The following MYOM1 variants were observed in gnomAD, a reference collection of about 807,000 sequenced individuals.
The protein encoded by MYOM1 is myomesin-1.
A neutral mutation model predicts 205.3 loss-of-function variants in MYOM1; 164 were observed. The observed-to-expected ratio is 0.80, with a 90% CI of 0.70 to 0.91. MYOM1 has a LOEUF of 0.91. Ranked by LOEUF, MYOM1 falls within the 40% of genes least tolerant of loss-of-function variation. The pLI is 0.00. For synonymous variants in MYOM1, 772 were observed against 789.4 expected (o/e 0.98, Z 0.37); for missense variants, 2,011 against 2,127.3 (o/e 0.95, Z 1.08).
chr18:3,163,887 C>T (rs1452757481), intron 10 of MYOM1, among the ~76,000 whole-genome samples: 1 of 150,002 alleles, frequency 6.7e-6, no homozygotes, highest in Non-Finnish European at 1.5e-5. Context: ...GGGTCTTGTT[C>T]TATCACCCAG....
At chr18:3,208,293 C>T (rs756837274) in intron 2 of MYOM1, among the ~76,000 whole-genome samples, 7 of 152,134 alleles carry the variant, frequency 4.6e-5, no homozygotes, top group South Asian at 2.1e-4. Flanking sequence ...GTGGATTGTC[C>T]GAGCTAGCTC....
At chr18:3,215,458 G>A (rs977169677) in intron 1 of MYOM1, among the ~76,000 whole-genome samples, 1 of 151,998 alleles carries the variant, frequency 6.6e-6, no homozygotes, top group African/African-American at 2.4e-5. Context: ...GAAAAAATTA[G>A]CCGGGTGTGG....
rs576807272 is a variant in MYOM1, at chr18:3,130,061, T to G, written c.2507-542A>C. Among the ~76,000 whole-genome samples, 45 of 152,016 alleles carry G rather than the reference T, an allele frequency of 3.0e-4. No homozygotes were observed. The South Asian group carries it at 5.0e-3, about 17-fold the overall frequency. The stretch of plus-strand genomic sequence containing the variant: ...TTCGTTTTCTTTCTTCTTTTTTTTT[T>G]TTTTGGAGTCTCACTCTGTCCCCCA... On this transcript the variant is annotated intron_variant, in intron 17 of 37. Transcript: ENST00000356443.
At chr18:3,107,206 C>T (rs994275181) in intron 22 of MYOM1, among the ~76,000 whole-genome samples, 17 of 152,128 alleles carry the variant, frequency 1.1e-4, no homozygotes, top group African/African-American at 3.9e-4. Context: ...CAACCTCTGT[C>T]TCCTGGGTTC....
intron 3 of MYOM1, among the ~76,000 whole-genome samples, chr18:3,193,371 C>T (rs951116221): frequency 2.1e-5 from 3 of 140,126 alleles, no homozygotes; most frequent in Admixed American, 7.0e-5. Flanking sequence ...TACACACACA[C>T]ACACACACAC....
chr18:3,101,766 A>C (rs749297524), intron 23 of MYOM1, among the ~76,000 whole-genome samples: 15 of 152,176 alleles, frequency 9.9e-5, no homozygotes, highest in Non-Finnish European at 2.2e-4. Flanking sequence ...CTTTATGTCA[A>C]TTGAATGTTT....
At chr18:3,214,896 C>A (rs532616251) in intron 2 of MYOM1, 38 bp downstream of exon 2, 4 of 1,538,324 alleles carry the variant, frequency 2.6e-6, no homozygotes, top group Non-Finnish European at 3.5e-6. Flanking sequence ...CACGCCTCTT[C>A]CTGAGGTTGG....
intron 20 of MYOM1, 46 bp from the exon 21 acceptor site, chr18:3,116,561 C>G (rs1387708142): frequency 6.8e-6 from 10 of 1,474,076 alleles, no homozygotes; most frequent in Middle Eastern, 1.8e-4. Context: ...ACAGAGAAAA[C>G]TCGTCTCCAC....
rs1308689052 is a variant in MYOM1, at chr18:3,077,014, G to GTTTTT, written c.4649-1258_4649-1254dup. ...GGCGTGAGCCACAGCTCCCAGCCTTGTTTTTTTTTTTTTTTCAAGAGACAG... is the reference window on the plus strand; with the variant it reads ...GGCGTGAGCCACAGCTCCCAGCCTTGTTTTTTTTTTTTTTTTTTTTCAAGAGACAG... On this transcript the variant is annotated intron_variant, in intron 34 of 37. Coordinates refer to ENST00000356443, the MANE Select transcript of MYOM1 (RefSeq NM_003803.4). 1.2e-3 allele frequency among the ~76,000 whole-genome samples: 163 copies of GTTTTT among 135,272 alleles called. 3 individuals carry two copies. Among genetic ancestry groups the GTTTTT allele is most frequent in the African/African-American group, 4.1e-3 (151 of 36,938 alleles). The allele number at this position is 135,272 out of a possible 152,430, so 88.7% of individuals were successfully genotyped here.
Position 3,083,807 on chromosome 18 carries a change from T to C in MYOM1, c.4466A>G (p.Lys1489Arg). 1 of 1,572,912 alleles carries C rather than the reference T, an allele frequency of 6.4e-7. No homozygotes were observed. Among genetic ancestry groups the C allele is most frequent in the Non-Finnish European group, 8.6e-7 (1 of 1,157,736 alleles). Residue 1489 changes from lysine to arginine, a missense_variant, in exon 33 of 38, where the codon AAA becomes AGA. Coordinates refer to ENST00000356443, the MANE Select transcript of MYOM1 (RefSeq NM_003803.4). ...SFVTYYVEDL[K>R]VNWSHNGSAI... ...TACTTACTTGTGGGACCAGTTAACTTTCAAATCCTCCACATAGTAAGTTAC... is the reference window on the plus strand; with the variant it reads ...TACTTACTTGTGGGACCAGTTAACTCTCAAATCCTCCACATAGTAAGTTAC...
intron 6 of MYOM1, among the ~76,000 whole-genome samples, chr18:3,175,147 G>T (rs1008247697): frequency 6.6e-6 from 1 of 152,044 alleles, no homozygotes; most frequent in Non-Finnish European, 1.5e-5. Flanking sequence ...TAACCACATA[G>T]CTCACTGTTG....
rs909120194 is a variant in MYOM1 at position 3,209,932 on chromosome 18, C to A, written c.290+5002G>T. 6.6e-6 allele frequency among the ~76,000 whole-genome samples: 1 copy of A among 152,186 alleles called. No homozygotes were observed. The highest frequency in any genetic ancestry group is 2.1e-4 in the South Asian group (1 of 4,836). The stretch of plus-strand genomic sequence containing the variant: ...TGTGCTTGGTAATTTATCCCAAGCA[C>A]CTAGAGCAGTGCTTAGCGCTCAGTA... On this transcript the variant is annotated intron_variant, in intron 2 of 37. Coordinates refer to ENST00000356443, the MANE Select transcript of MYOM1 (RefSeq NM_003803.4). The surrounding 1 kb of genome is among the most constrained non-coding windows in gnomAD (Gnocchi z 4.0).
At chr18:3,215,352 G>T in intron 1 of MYOM1, 101 bp from the exon 2 acceptor site, 1 of 975,516 alleles carries the variant, frequency 1.0e-6, no homozygotes. Flanking sequence ...TTGGCTGGGT[G>T]CGGTGGTTCA....
chr18:3,225,913 T>C, the MYOM1 span, among the ~76,000 whole-genome samples: 1 of 152,328 alleles, frequency 6.6e-6, no homozygotes, highest in South Asian at 2.1e-4. Flanking sequence ...TTGGGTTGAC[T>C]TAGACTGAAG....
chr18:3,119,847 G>A (rs1487406145), intron 20 of MYOM1, 22 bp downstream of exon 20: 4 of 1,586,818 alleles, frequency 2.5e-6, no homozygotes, highest in Non-Finnish European at 3.4e-6. Flanking sequence ...GTGCGGTGTG[G>A]AGGCAGGTGT....
At chr18:3,107,721 C>T (rs2079470172) in intron 22 of MYOM1, among the ~76,000 whole-genome samples, 1 of 152,162 alleles carries the variant, frequency 6.6e-6, no homozygotes, top group African/African-American at 2.4e-5. Flanking sequence ...ACCGCCTTTG[C>T]AAAATTATGA....
chr18:3,154,924 T>C (rs367760631), intron 11 of MYOM1, 23 bp downstream of exon 11: 218 of 1,603,276 alleles, frequency 1.4e-4, no homozygotes, highest in African/African-American at 8.1e-4. Context: ...ATAACTGTAA[T>C]TGATGTTAGC....
In MYOM1 at chr18:3,215,021, G is replaced by GC; in HGVS notation, c.202_203insG (p.Ser68CysfsTer14). 1.2e-6 allele frequency: 2 copies of GC among 1,612,472 alleles called. No individual in the cohort carries two copies. The highest frequency in any genetic ancestry group is 1.7e-6 in the Non-Finnish European group (2 of 1,179,258). On this transcript the variant is annotated frameshift_variant, in exon 2 of 38. Transcript: ENST00000356443. LOFTEE classifies it high-confidence loss of function. The stretch of plus-strand genomic sequence containing the variant: ...GTGCTGCGAGGCCTGCTGCTGGGAG[G>GC]AGGAGGCGGACGCCCGACGGAAGGC...
intron 5 of MYOM1, among the ~76,000 whole-genome samples, chr18:3,177,755 G>A (rs964957946): frequency 1.3e-5 from 2 of 152,176 alleles, no homozygotes; most frequent in African/African-American, 2.4e-5. Context: ...TTACAGGTGT[G>A]AGCCACTATG....
Sources: allele counts gnomAD v4.1 joint callset (sites outside exome capture counted in the v4.1 genomes callset), GRCh38; gene constraint gnomAD v4.1.1; non-coding constraint Gnocchi (gnomAD v3.1); transcripts MANE v1.5; gene names NCBI Gene and HGNC (gene_info 2026-07-23, HGNC 2026-07-21).